The following ALKAL1 variants were observed in gnomAD, a reference collection of about 807,000 sequenced individuals.
The protein encoded by ALKAL1 is ALK and LTK ligand 1.
A neutral mutation model predicts 13.5 loss-of-function variants in ALKAL1; 23 were observed. That is an observed-to-expected ratio of 1.70 (90% confidence interval 1.23 to 2.41). The LOEUF is 2.41. ALKAL1 is among the 30% of genes most tolerant of loss of function. ALKAL1 has a pLI of 0.00. For missense variants in ALKAL1, 181 were observed against 178.4 expected (o/e 1.01, Z -0.08); for synonymous variants, 85 against 77.7 (o/e 1.09, Z -0.49).
At chr8:52,537,889 G>A (rs1847277837) in intron 4 of ALKAL1, among the ~76,000 whole-genome samples, 1 of 152,048 alleles carries the variant, frequency 6.6e-6, no homozygotes, top group Admixed American at 6.6e-5. Context: ...TTGAGGTCAG[G>A]AGTTTGAGAC....
intron 1 of ALKAL1, among the ~76,000 whole-genome samples, chr8:52,557,629 C>A (rs960337397): frequency 6.6e-6 from 1 of 152,090 alleles, no homozygotes; most frequent in African/African-American, 2.4e-5. Context: ...CAGAGCCTAC[C>A]AAGCGTGAGT....
intron 4 of ALKAL1, among the ~76,000 whole-genome samples, chr8:52,536,325 C>CA (rs34703960): frequency 3.3e-5 from 5 of 151,950 alleles, no homozygotes; most frequent in Non-Finnish European, 7.4e-5. Context: ...AATGCTGACC[C>CA]AAAAAAAGTT....
chr8:52,536,469 G>A (rs1417578525), intron 4 of ALKAL1, among the ~76,000 whole-genome samples: 2 of 152,090 alleles, frequency 1.3e-5, no homozygotes, highest in African/African-American at 2.4e-5. Context: ...ATTTAGGATC[G>A]TACAAATACT....
intron 1 of ALKAL1, among the ~76,000 whole-genome samples, chr8:52,563,933 T>G (rs535822787): frequency 1.3e-5 from 2 of 152,344 alleles, no homozygotes; most frequent in African/African-American, 2.4e-5. Context: ...CTCCTCTGGG[T>G]GGCCTCCGCC....
At chr8:52,535,550 C>CAAAAAAAAAAAAAAAAAAAAAAGAAAAA (rs1847257310) in intron 4 of ALKAL1, among the ~76,000 whole-genome samples, 1 of 68,630 alleles carries the variant, frequency 1.5e-5, no homozygotes, top group Non-Finnish European at 2.6e-5. Context: ...GACCCTGTCT[C>CAAAAAAAAAAAAAAAAAAAAAAGAAAAA]AAAAAAAAAA....
In ALKAL1 at chr8:52,565,107, C is replaced by A; in HGVS notation, c.150G>T (p.Ala50=). The part of the protein sequence containing the change: ...KEPKPLLFLP[A]AGAGRTPSGS... Reference sequence around the variant, plus strand: ...CGCTGGGAGTCCGGCCGGCCCCGGCCGCGGGGAGGAAAAGCAACGGCTTGG... The same window carrying A: ...CGCTGGGAGTCCGGCCGGCCCCGGCAGCGGGGAGGAAAAGCAACGGCTTGG... The change falls in exon 1 of 5, where the codon GCG becomes GCT. Residue 50 remains alanine, a synonymous_variant. Coordinates refer to ENST00000358543, the MANE Select transcript of ALKAL1 (RefSeq NM_207413.4). 1 of 1,414,522 alleles carries A rather than the reference C, an allele frequency of 7.1e-7. No homozygotes were observed. Among genetic ancestry groups the A allele is most frequent in the South Asian group, 1.5e-5 (1 of 66,366 alleles). 87.6% of individuals were successfully genotyped at this position (1,414,522 alleles called of 1,614,324 possible).
intron 1 of ALKAL1, among the ~76,000 whole-genome samples, chr8:52,557,634 G>A (rs1265084456): frequency 1.3e-5 from 2 of 152,176 alleles, no homozygotes; most frequent in Non-Finnish European, 2.9e-5. Flanking sequence ...CCTACCAAGC[G>A]TGAGTAGACA....
chr8:52,559,062 C>T (rs566146248), intron 1 of ALKAL1, among the ~76,000 whole-genome samples: 1 of 152,186 alleles, frequency 6.6e-6, no homozygotes, highest in East Asian at 1.9e-4. Context: ...AGTAATAGAG[C>T]AAGAACTCAC....
chr8:52,562,239 C>G (rs571798842), intron 1 of ALKAL1, among the ~76,000 whole-genome samples: 1 of 152,034 alleles, frequency 6.6e-6, no homozygotes, highest in Non-Finnish European at 1.5e-5. Flanking sequence ...TGGAGATGAT[C>G]GAGAAGGTCA....
intron 2 of ALKAL1, 135 bp downstream of exon 2, chr8:52,542,257 G>T: frequency 1.7e-6 from 1 of 592,946 alleles, no homozygotes; most frequent in Non-Finnish European, 3.0e-6. Context: ...CAAGTTAGTA[G>T]CATCCGTCCA....
intron 4 of ALKAL1, among the ~76,000 whole-genome samples, 166 bp from the exon 5 acceptor site, chr8:52,534,766 G>T (rs1847250710): frequency 6.6e-6 from 1 of 152,108 alleles, no homozygotes; most frequent in South Asian, 2.1e-4. Flanking sequence ...GGGCAGGAAG[G>T]TTGATCAGCA....
intron 1 of ALKAL1, among the ~76,000 whole-genome samples, chr8:52,564,734 G>A (rs933384636): frequency 6.6e-6 from 1 of 152,090 alleles, no homozygotes; most frequent in South Asian, 2.1e-4. Context: ...TGCTGACAGG[G>A]ACCTAACCTG....
chr8:52,559,227 T>C (rs1847514732), intron 1 of ALKAL1, among the ~76,000 whole-genome samples: 1 of 152,156 alleles, frequency 6.6e-6, no homozygotes, highest in African/African-American at 2.4e-5. Context: ...CATGCTTGTA[T>C]AGTGATTCTA....
chr8:52,554,653 A>T (rs1489905043), intron 1 of ALKAL1, among the ~76,000 whole-genome samples: 4 of 152,238 alleles, frequency 2.6e-5, no homozygotes, highest in Non-Finnish European at 4.4e-5. Flanking sequence ...AAAAAGGAAG[A>T]AGATACCTTT....
intron 1 of ALKAL1, among the ~76,000 whole-genome samples, chr8:52,548,127 T>C (rs1847390960): frequency 6.6e-6 from 1 of 151,966 alleles, no homozygotes; most frequent in Non-Finnish European, 1.5e-5. Flanking sequence ...GGCCGGTGGA[T>C]CGCCTGAGGT....
chr8:52,556,646 CAAAAAAAAAAAAAAAA>C (rs59483863), intron 1 of ALKAL1, among the ~76,000 whole-genome samples: 5 of 51,372 alleles, frequency 9.7e-5, no homozygotes, highest in East Asian at 8.8e-4. Flanking sequence ...AACTCTGTCT[CAAAAAAAAAAAAAAAA>C]AAAAAAAAAA....
intron 1 of ALKAL1, among the ~76,000 whole-genome samples, chr8:52,558,645 G>A (rs1244777479): frequency 2.6e-5 from 4 of 151,876 alleles, no homozygotes; most frequent in Non-Finnish European, 4.4e-5. Context: ...AGTCGGGCTC[G>A]TTTATAGGCA....
chr8:52,539,913 T>C lies in ALKAL1; in HGVS notation c.245-2A>G. ...ATTCTGGTGAAAATGTGACCGGCCC[T>C]AGAGCACAGGAAAAGAATGCTTATT... is the stretch of plus-strand genomic sequence containing the variant. On this transcript the variant is annotated splice_acceptor_variant, in intron 2 of 4. Transcript: ENST00000358543. LOFTEE classifies it high-confidence loss of function. 2 of 1,608,880 alleles carry C rather than the reference T, an allele frequency of 1.2e-6. No homozygotes were observed. Among genetic ancestry groups the C allele is most frequent in the South Asian group, 2.2e-5 (2 of 90,450 alleles).
chr8:52,537,772 A>T (rs1218672802), intron 4 of ALKAL1, among the ~76,000 whole-genome samples: 4 of 151,900 alleles, frequency 2.6e-5, no homozygotes, highest in African/African-American at 9.7e-5. Flanking sequence ...AAAAAAGCTC[A>T]TAGAAGTAGA....
Sources: allele counts gnomAD v4.1 joint callset (sites outside exome capture counted in the v4.1 genomes callset), GRCh38; gene constraint gnomAD v4.1.1; transcripts MANE v1.5; gene names NCBI Gene and HGNC (gene_info 2026-07-23, HGNC 2026-07-21).